The following ADGRV1 variants were observed in gnomAD, a reference collection of about 807,000 sequenced individuals.
ADGRV1 encodes G-protein coupled receptor 98.
In ADGRV1, 359 loss-of-function variants were observed where a neutral mutation model predicts 596.2. That is an observed-to-expected ratio of 0.60 (90% CI 0.55 to 0.66). The LOEUF (loss-of-function observed/expected upper bound fraction) is 0.66. ADGRV1 is among the 30% of genes least tolerant of loss of function. ADGRV1 has a pLI of 0.00. For missense variants in ADGRV1, 7,274 were observed against 7,575.6 expected, an observed-to-expected ratio of 0.96 and a Z score of 1.48; for synonymous variants, 2,681 against 2,679.2, an observed-to-expected ratio of 1.00 and a Z score of -0.02.
chr5:90,859,557 T>C (rs1340944483), intron 82 of ADGRV1, among the ~76,000 whole-genome samples: 1 of 152,016 alleles, frequency 6.6e-6, no homozygotes, highest in Non-Finnish European at 1.5e-5. Context: ...CTCAGCCTCC[T>C]GGGTAGCTGG....
chr5:90,841,130 C>A, intron 78 of ADGRV1, 145 bp downstream of exon 78: 1 of 585,192 alleles, frequency 1.7e-6, no homozygotes, highest in Non-Finnish European at 2.8e-6. Flanking sequence ...GAATAGAATG[C>A]ATCATATCTG....
intron 85 of ADGRV1, among the ~76,000 whole-genome samples, chr5:91,023,448 T>A (rs984209420): frequency 1.3e-5 from 2 of 152,088 alleles, no homozygotes; most frequent in African/African-American, 4.8e-5. Flanking sequence ...GGAGATAAAG[T>A]TGTTGCTGTA....
intron 50 of ADGRV1, among the ~76,000 whole-genome samples, chr5:90,732,105 G>C (rs528272526): frequency 1.3e-5 from 2 of 151,998 alleles, no homozygotes; most frequent in East Asian, 1.9e-4. Flanking sequence ...AGTTCAAGCC[G>C]TACTCCCACC....
At chr5:90,728,052 T>C (rs776088147) in intron 48 of ADGRV1, among the ~76,000 whole-genome samples, 2 of 152,246 alleles carry the variant, frequency 1.3e-5, no homozygotes, top group African/African-American at 4.8e-5. Flanking sequence ...GAAAGGTCGC[T>C]GTATCCATAG....
intron 34 of ADGRV1, among the ~76,000 whole-genome samples, chr5:90,702,544 T>C (rs1472079573): frequency 2.0e-5 from 3 of 151,968 alleles, no homozygotes; most frequent in Non-Finnish European, 4.4e-5. Flanking sequence ...TTCATGATAT[T>C]TTAAGAAATC....
intron 85 of ADGRV1, among the ~76,000 whole-genome samples, chr5:91,005,635 G>A (rs965153302): frequency 3.3e-5 from 5 of 152,066 alleles, no homozygotes; most frequent in Non-Finnish European, 7.4e-5. Context: ...GTTCCTCTAG[G>A]TGCTCAAGCT....
intron 70 of ADGRV1, among the ~76,000 whole-genome samples, chr5:90,796,424 G>C (rs1256410282): frequency 6.8e-6 from 1 of 147,788 alleles, no homozygotes; most frequent in African/African-American, 2.6e-5. Flanking sequence ...GACGAGATTA[G>C]AGAAAAAAAA....
At chr5:91,005,378 A>T (rs115469775) in intron 85 of ADGRV1, among the ~76,000 whole-genome samples, 6,567 of 139,726 alleles carry the variant, frequency 0.047, 345 homozygotes, top group African/African-American at 0.14. Flanking sequence ...ATATATATAT[A>T]TTTTTTTGAA....
At position 90,724,952 on chromosome 5, in the gene ADGRV1, C is replaced by T. The variant is rs905061302; in HGVS notation, c.9869C>T (p.Thr3290Ile). ...YGIMLRKSSV[T>I]VYRWQGIFIP... The stretch of plus-strand genomic sequence containing the variant: ...ATAATGTTAAGAAAATCATCTGTTA[C>T]TGTTTACCGATGGCAGGGGATTTTT... The change falls in exon 46 of 90, where the codon ACT (threonine) becomes ATT (isoleucine). Residue 3290 changes from threonine (T) to isoleucine (I), a missense_variant. By Grantham distance (89) the Thr-to-Ile change is moderately conservative. This residue lies in a region of ADGRV1 where 3,643 missense variants were observed against 3,809.2 expected (regional missense o/e 0.96). Coordinates refer to ENST00000405460, the MANE Select transcript of ADGRV1 (RefSeq NM_032119.4). 3.7e-6 allele frequency: 6 copies of T among 1,606,678 alleles called. No individual in the cohort carries two copies. In the Admixed American group the frequency reaches 6.8e-5, roughly 18 times the overall value.
At chr5:91,074,836 ATC>A (rs1448463585) in intron 86 of ADGRV1, among the ~76,000 whole-genome samples, 1 of 152,194 alleles carries the variant, frequency 6.6e-6, no homozygotes, top group Non-Finnish European at 1.5e-5. Flanking sequence ...CCTTGCCAGC[ATC>A]TGTTATTTTT....
chr5:91,125,054 C>T (rs538429995), intron 87 of ADGRV1, among the ~76,000 whole-genome samples: 7 of 152,232 alleles, frequency 4.6e-5, no homozygotes, highest in East Asian at 3.9e-4. Context: ...TGCAGACCTC[C>T]GAGTGACCAG....
At chr5:90,844,049 C>T (rs1350244922) in intron 78 of ADGRV1, among the ~76,000 whole-genome samples, 1 of 152,068 alleles carries the variant, frequency 6.6e-6, no homozygotes, top group Non-Finnish European at 1.5e-5. Context: ...TTAGTATAAG[C>T]ATATTGCAGA....
In ADGRV1 at chr5:90,689,869, T is replaced by C; in HGVS notation, c.6499T>C (p.Tyr2167His). Residue 2167 changes from tyrosine to histidine, a missense_variant, in exon 30 of 90, where the codon TAT (tyrosine) becomes CAT (histidine). Physicochemically the swap from Tyr to His is moderately conservative, Grantham distance 83. This residue lies in a region of ADGRV1 where 3,643 missense variants were observed against 3,809.2 expected (regional missense o/e 0.96). Transcript: ENST00000405460. ...ACTTTTGGTCTTTTCAGGTGAAGAT[T>C]ATAGTATAGCTTCATCAGATGTGGT... is the stretch of plus-strand genomic sequence containing the variant. The part of the protein sequence containing the change: ...VPITAIAGED[Y>H]SIASSDVVLL... The C allele has an allele frequency of 1.2e-6, 2 of 1,610,948 alleles. No individual in the cohort carries two copies. Among genetic ancestry groups the C allele is most frequent in the East Asian group, 4.5e-5 (2 of 44,830 alleles).
At chr5:91,089,774 T>G (rs1790222612) in intron 86 of ADGRV1, among the ~76,000 whole-genome samples, 1 of 152,170 alleles carries the variant, frequency 6.6e-6, no homozygotes, top group Non-Finnish European at 1.5e-5. Context: ...TACATAGTCA[T>G]CTAATGTCCA....
intron 84 of ADGRV1, 95 bp from the exon 85 acceptor site, chr5:90,985,249 C>A: frequency 1.4e-6 from 1 of 728,028 alleles, no homozygotes; most frequent in Non-Finnish European, 2.1e-6. Context: ...AGATCCTGGC[C>A]TTTTGTTGGT....
intron 86 of ADGRV1, among the ~76,000 whole-genome samples, chr5:91,077,812 T>G (rs145186114): frequency 6.6e-6 from 1 of 152,350 alleles, no homozygotes; most frequent in Non-Finnish European, 1.5e-5. Context: ...GCCTGTAATT[T>G]TCGGGCTTGG....
In ADGRV1 at chr5:90,663,154, A is replaced by G. The variant is rs558732594; in HGVS notation, c.4752+4876A>G. On this transcript the variant is annotated intron_variant, in intron 21 of 89. Coordinates refer to ENST00000405460, the MANE Select transcript of ADGRV1 (RefSeq NM_032119.4). ...TAATGGGATGGCTGGGTCAAATGGT[A>G]TTTCTAGTTCTAGATCCCTGAGGAA... is the stretch of plus-strand genomic sequence containing the variant. 8.8e-3 allele frequency among the ~76,000 whole-genome samples: 1,324 copies of G among 149,610 alleles called. 19 individuals carry two copies. Among genetic ancestry groups the G allele is most frequent in the African/African-American group, 0.032 (1,281 of 40,432 alleles).
chr5:90,605,864 A>G (rs1366857791), intron 1 of ADGRV1, among the ~76,000 whole-genome samples: 1 of 152,234 alleles, frequency 6.6e-6, no homozygotes. Context: ...ATAAAGCTGT[A>G]ACTTATGGAT....
chr5:90,638,538 A>AG (rs1051973405), intron 11 of ADGRV1, among the ~76,000 whole-genome samples: 14 of 111,420 alleles, frequency 1.3e-4, no homozygotes, highest in African/African-American at 4.3e-4. Flanking sequence ...TCTCTCAAAG[A>AG]GTTTTTTTTT....
Sources: gnomAD v4.1 joint callset for allele counts (sites outside exome capture counted in the v4.1 genomes callset) on GRCh38, gnomAD v4.1.1 for gene constraint, gnomAD v4.1.1 regional missense constraint, MANE v1.5 for transcripts, NCBI Gene and HGNC (gene_info 2026-07-23, HGNC 2026-07-21) for gene names.